The following NAALADL2 variants were observed in gnomAD, a reference collection of about 807,000 sequenced individuals.
NAALADL2 encodes inactive N-acetylated-alpha-linked acidic dipeptidase-like protein 2.
NAALADL2 carries 76 observed loss-of-function variants against 87.2 expected under a neutral mutation model. The observed-to-expected ratio is 0.87, with a 90% CI of 0.72 to 1.05. The LOEUF (loss-of-function observed/expected upper bound fraction) is 1.05, where lower values mean the gene tolerates loss of function less well. Ranked by LOEUF, NAALADL2 falls within the 50% of genes least tolerant of loss-of-function variation. The pLI is 0.00. For missense variants in NAALADL2, 1,089 were observed against 945.8 expected (o/e 1.15, Z -1.99); for synonymous variants, 354 against 331.0 (o/e 1.07, Z -0.75).
intron 5 of NAALADL2, among the ~76,000 whole-genome samples, chr3:175,396,491 C>A (rs1220022552): frequency 1.3e-5 from 2 of 152,052 alleles, no homozygotes; most frequent in Non-Finnish European, 2.9e-5. Flanking sequence ...TCCACTGGGA[C>A]CTACAGTTAT....
chr3:175,015,729 T>C (rs1029158088), intron 1 of NAALADL2, among the ~76,000 whole-genome samples: 6 of 152,118 alleles, frequency 3.9e-5, no homozygotes, highest in Non-Finnish European at 8.8e-5. Flanking sequence ...TAAAATAGTT[T>C]TACTAATTAA....
intron 1 of NAALADL2, among the ~76,000 whole-genome samples, chr3:174,535,890 G>A (rs1721682150): frequency 6.6e-6 from 1 of 151,918 alleles, no homozygotes; most frequent in Admixed American, 6.6e-5. Context: ...GTTTACAGCA[G>A]TTGATTTGCA....
At position 175,337,224 on chromosome 3, in the gene NAALADL2, A is replaced by AG. The variant is rs570699555; in HGVS notation, c.1090+12901dup. Among the ~76,000 whole-genome samples the AG allele has an allele frequency of 5.9e-4, 88 of 149,934 alleles. No homozygotes were observed. In the South Asian group the frequency reaches 0.014, roughly 24 times the overall value. ...AAGAGTCTTGGTTGGTCTGTGTATT[A>AG]GGTGGTAAGGTGGTATTAGGTCTAG... On this transcript the variant is annotated intron_variant, in intron 5 of 13. Transcript: ENST00000454872.
rs1219558070 is a variant in NAALADL2, at chr3:175,436,476, A to G, written c.1091-10753A>G. On this transcript the variant is annotated intron_variant, in intron 5 of 13. Coordinates refer to ENST00000454872, the MANE Select transcript of NAALADL2 (RefSeq NM_207015.3). ...GTTTACAGTCCCATCAACAGTGTAA[A>G]AGTGTTCCTATTTCTCCACATCCTC... 1.7e-3 allele frequency among the ~76,000 whole-genome samples: 248 copies of G among 144,000 alleles called. 3 individuals carry two copies. The highest frequency in any genetic ancestry group is 6.2e-3 in the African/African-American group (234 of 37,526). 94.5% of individuals were successfully genotyped at this position (144,000 alleles called of 152,430 possible). A position where few individuals can be genotyped will look rare whatever the true frequency, so the allele number is the denominator to read the frequency against.
At chr3:175,519,290 T>C (rs576239253) in intron 9 of NAALADL2, among the ~76,000 whole-genome samples, 1 of 152,318 alleles carries the variant, frequency 6.6e-6, no homozygotes, top group East Asian at 1.9e-4. Context: ...TTACACACTT[T>C]AGGGAAGAGA....
chr3:174,881,334 T>C (rs916860219), intron 1 of NAALADL2, among the ~76,000 whole-genome samples: 8 of 152,140 alleles, frequency 5.3e-5, no homozygotes, highest in African/African-American at 1.7e-4. Flanking sequence ...ATTTTGAACA[T>C]TTTGTGTTTT....
At chr3:174,916,938 G>A (rs896117790) in intron 1 of NAALADL2, among the ~76,000 whole-genome samples, 2 of 152,050 alleles carry the variant, frequency 1.3e-5, no homozygotes, top group Non-Finnish European at 2.9e-5. Flanking sequence ...ATAGCATCTA[G>A]TGTCATTATC....
Position 174,544,561 on chromosome 3 carries a change from T to TC in NAALADL2, c.-183-6008_-183-6007insC, listed in dbSNP as rs1362898866. On this transcript the variant is annotated intron_variant, in intron 1 of 3. Coordinates refer to the NAALADL2 transcript ENST00000434257. ...TAATTTTCTTTGTTTCCTTTTTTTT[T>TC]GTTTTCTTTTTTTTTTTTTTTTTTG... 2.1e-5 allele frequency among the ~76,000 whole-genome samples: 3 copies of TC among 145,724 alleles called. No individual in the cohort carries two copies. In the East Asian group the frequency reaches 6.4e-4, roughly 31 times the overall value.
intron 2 of NAALADL2, among the ~76,000 whole-genome samples, chr3:174,704,302 A>C (rs1025914871): frequency 6.6e-6 from 1 of 152,194 alleles, no homozygotes. Flanking sequence ...ACAGACTTTA[A>C]AAAAGATTAT....
At chr3:174,500,947 C>G (rs1169147305) in intron 1 of NAALADL2, among the ~76,000 whole-genome samples, 1 of 151,836 alleles carries the variant, frequency 6.6e-6, no homozygotes, top group Non-Finnish European at 1.5e-5. Context: ...ACCTCCTCTG[C>G]CCAGGTTCAA....
intron 2 of NAALADL2, among the ~76,000 whole-genome samples, chr3:174,599,667 A>G (rs1424651603): frequency 6.6e-6 from 1 of 152,206 alleles, no homozygotes; most frequent in Non-Finnish European, 1.5e-5. Flanking sequence ...TCTTTTAAAT[A>G]GATGATGATC....
intron 2 of NAALADL2, among the ~76,000 whole-genome samples, chr3:174,699,219 C>G (rs766312268): frequency 6.6e-6 from 1 of 152,140 alleles, no homozygotes; most frequent in East Asian, 1.9e-4. Flanking sequence ...GGTGGTGGGC[C>G]GGGCACAGTG....
At chr3:175,764,177 A>G (rs2150156729) in intron 13 of NAALADL2, among the ~76,000 whole-genome samples, 1 of 151,372 alleles carries the variant, frequency 6.6e-6, no homozygotes, top group East Asian at 1.9e-4. Flanking sequence ...AATTAAAACA[A>G]AACTATTGAT....
At chr3:174,639,101 C>T (rs948987417) in intron 2 of NAALADL2, among the ~76,000 whole-genome samples, 1 of 152,134 alleles carries the variant, frequency 6.6e-6, no homozygotes, top group African/African-American at 2.4e-5. Flanking sequence ...GTACCTGCTT[C>T]TAGTTAGCTC....
intron 4 of NAALADL2, among the ~76,000 whole-genome samples, chr3:175,281,788 G>T (rs530571986): frequency 2.6e-5 from 4 of 151,904 alleles, no homozygotes; most frequent in East Asian, 3.9e-4. Context: ...TTTATACAAA[G>T]AATATTTTTC....
rs1582777337 is a variant in NAALADL2, at chr3:175,651,876, A to G, written c.1896+24490A>G. On this transcript the variant is annotated intron_variant, in intron 11 of 13. Transcript: ENST00000454872. Reference sequence around the variant, plus strand: ...CTGGCCATTTAAAAATGCCTTGTACAAAGCAAAGCAGAGAAGCAAACGAAA... The same window carrying G: ...CTGGCCATTTAAAAATGCCTTGTACGAAGCAAAGCAGAGAAGCAAACGAAA... 4.6e-5 allele frequency among the ~76,000 whole-genome samples: 7 copies of G among 152,378 alleles called. 2 individuals are homozygous for G. Among genetic ancestry groups the G allele is most frequent in the Admixed American group, 4.6e-4 (7 of 15,312 alleles).
intron 2 of NAALADL2, among the ~76,000 whole-genome samples, chr3:174,644,685 C>T (rs1216708234): frequency 6.6e-6 from 1 of 152,138 alleles, no homozygotes; most frequent in African/African-American, 2.4e-5. Context: ...CTGAGACCCT[C>T]TGTGTAATGA....
At chr3:175,218,087 G>A (rs959306745) in intron 2 of NAALADL2, 9 of 432,842 alleles carry the variant, frequency 2.1e-5, no homozygotes, top group East Asian at 7.2e-5. Context: ...ATAAAATGAA[G>A]CACACTGGAT....
chr3:174,856,091 C>T (rs1405152005), upstream of NAALADL2, among the ~76,000 whole-genome samples: 3 of 151,734 alleles, frequency 2.0e-5, no homozygotes, highest in African/African-American at 7.3e-5. Flanking sequence ...ACTGCAGCCT[C>T]AAACTTCTGG....
Sources: gnomAD v4.1 joint callset for allele counts (sites outside exome capture counted in the v4.1 genomes callset) on GRCh38, gnomAD v4.1.1 for gene constraint, MANE v1.5 for transcripts, NCBI Gene and HGNC (gene_info 2026-07-23, HGNC 2026-07-21) for gene names.